Variants in COL17A1 observed in about 807,000 individuals in gnomAD.
The protein encoded by COL17A1 is collagen type XVII alpha 1 chain.
Under a neutral mutation model 218.4 loss-of-function variants are expected in COL17A1, and 181 were observed. That is an observed-to-expected ratio of 0.83 (90% CI 0.73 to 0.94). The LOEUF (loss-of-function observed/expected upper bound fraction) is 0.94. Among genes scored for constraint, COL17A1 ranks in the 40% least tolerant of loss-of-function variants. The probability of loss-of-function intolerance (pLI) is 0.00; values close to 1 mark genes in which losing one functional copy is unlikely to be tolerated. For synonymous variants in COL17A1, 721 were observed against 731.0 expected, an observed-to-expected ratio of 0.99 and a Z score of 0.22; for missense variants, 1,924 against 1,945.9, an observed-to-expected ratio of 0.99 and a Z score of 0.21.
chr10:104,078,939 C>T (rs2086735597), intron 2 of COL17A1, among the ~76,000 whole-genome samples: 1 of 152,234 alleles, frequency 6.6e-6, no homozygotes, highest in African/African-American at 2.4e-5. Context: ...TGTCTCAAGT[C>T]ACTCCGTTTC....
rs547013101 is a variant in COL17A1, at chr10:104,048,176, A to T, written c.2228-72T>A. ...CTGCGATTCCTCCCTCTACTGTCCC[A>T]GTGGCCTTGAAGCACATTGTGTCCC... is the stretch of plus-strand genomic sequence containing the variant. On this transcript the variant is annotated intron_variant, in intron 29 of 55. Coordinates refer to ENST00000648076, the MANE Select transcript of COL17A1 (RefSeq NM_000494.4). The T allele has an allele frequency of 1.1e-5, 17 of 1,549,458 alleles. No homozygotes were observed. The Admixed American group carries it at 2.0e-4, about 18-fold the overall frequency.
intron 26 of COL17A1, 92 bp downstream of exon 26, chr10:104,050,753 ACTT>A (rs1408414234): frequency 1.1e-5 from 18 of 1,613,738 alleles, no homozygotes; most frequent in South Asian, 3.3e-5. Context: ...CTCAATCCTG[ACTT>A]CTTCTTCCCC....
At chr10:104,051,379 T>C in intron 25 of COL17A1, 102 bp downstream of exon 25, 2 of 1,458,448 alleles carry the variant, frequency 1.4e-6, no homozygotes. Flanking sequence ...GGAGGCTTGC[T>C]TTATAATTGC....
At chr10:104,054,019 C>A (rs373683664) in intron 21 of COL17A1, 37 bp from the exon 22 acceptor site, 2 of 1,612,620 alleles carry the variant, frequency 1.2e-6, no homozygotes, top group Non-Finnish European at 1.7e-6. Context: ...CCCTGTTTTC[C>A]TCCCAGAAGC....
chr10:104,069,837 A>G (rs1344296274), intron 9 of COL17A1, among the ~76,000 whole-genome samples: 4 of 152,210 alleles, frequency 2.6e-5, no homozygotes, highest in Non-Finnish European at 4.4e-5. Context: ...GTCCCTATCA[A>G]GTGGTCCTAA....
intron 1 of COL17A1, among the ~76,000 whole-genome samples, chr10:104,081,761 G>A (rs906486137): frequency 3.3e-5 from 5 of 152,130 alleles, no homozygotes; most frequent in Admixed American, 3.3e-4. Context: ...GTGCCTTCAG[G>A]CTCGACTTAC....
chr10:104,050,483 C>T, intron 27 of COL17A1, 138 bp downstream of exon 27: 1 of 1,425,694 alleles, frequency 7.0e-7, no homozygotes, highest in Admixed American at 1.8e-5. Context: ...GCCTCAGTTT[C>T]CCTATCTGAG....
chr10:104,074,634 G>A (rs762369273), intron 5 of COL17A1, among the ~76,000 whole-genome samples: 3 of 152,138 alleles, frequency 2.0e-5, no homozygotes, highest in Non-Finnish European at 2.9e-5. Context: ...TGTCCCAAAC[G>A]TGGACCCAGT....
intron 52 of COL17A1, among the ~76,000 whole-genome samples, 158 bp downstream of exon 52, chr10:104,033,787 A>G (rs373784933): frequency 2.8e-4 from 43 of 152,226 alleles, no homozygotes; most frequent in African/African-American, 9.9e-4. Context: ...CCTTAAGCTG[A>G]GTAGGCTGAG....
rs550855034 is a variant in COL17A1 at position 104,067,394 on chromosome 10, C to A, written c.608-2798G>T. On this transcript the variant is annotated intron_variant, in intron 9 of 55. Coordinates refer to ENST00000648076, the MANE Select transcript of COL17A1 (RefSeq NM_000494.4). ...ATCCAGAGGACCTAGTAGGGCAAGG[C>A]CTTTTAAAGGTTAATTTTATGACTA... is the stretch of plus-strand genomic sequence containing the variant. 2.0e-5 allele frequency among the ~76,000 whole-genome samples: 3 copies of A among 149,216 alleles called. No individual in the cohort carries two copies. The East Asian group carries it at 5.9e-4, about 29-fold the overall frequency.
chr10:104,040,921 A>G (rs1478133037), intron 39 of COL17A1, 144 bp downstream of exon 39: 2 of 944,092 alleles, frequency 2.1e-6, no homozygotes. Flanking sequence ...TGCAGCAAGC[A>G]GGAAGATTAT....
chr10:104,073,138 G>T, intron 7 of COL17A1, 72 bp downstream of exon 7: 1 of 1,390,546 alleles, frequency 7.2e-7, no homozygotes. Context: ...CCTGGCTCAA[G>T]GCTGGACACA....
At chr10:104,050,814 C>G in intron 26 of COL17A1, 34 bp downstream of exon 26, 1 of 1,614,130 alleles carries the variant, frequency 6.2e-7, no homozygotes, top group Non-Finnish European at 8.5e-7. Context: ...TCCATCAGAC[C>G]CTCACTGTCC....
chr10:104,033,478 A>AC, intron 52 of COL17A1, 103 bp from the exon 53 acceptor site: 1 of 1,394,184 alleles, frequency 7.2e-7, no homozygotes, highest in Non-Finnish European at 9.9e-7. Context: ...AAGCAGTTGA[A>AC]CTAGATCAAG....
intron 23 of COL17A1, among the ~76,000 whole-genome samples, chr10:104,052,506 G>C (rs2086479431): frequency 6.6e-6 from 1 of 152,182 alleles, no homozygotes; most frequent in Non-Finnish European, 1.5e-5. Context: ...CTCACAGTCT[G>C]TTAGCATTAA....
In COL17A1 at chr10:104,058,568, G is replaced by T. The variant is rs1015253437; in HGVS notation, c.1223-378C>A. On this transcript the variant is annotated intron_variant, in intron 15 of 55. Coordinates refer to ENST00000648076, the MANE Select transcript of COL17A1 (RefSeq NM_000494.4). ...TCTGAACACAAGTTCCTGACCTGGGGTGGAAGGAATTGGGAATGAGAAGGA... is the reference window on the plus strand; with the variant it reads ...TCTGAACACAAGTTCCTGACCTGGGTTGGAAGGAATTGGGAATGAGAAGGA... Among the ~76,000 whole-genome samples the T allele has an allele frequency of 2.0e-5, 3 of 152,190 alleles. No individual in the cohort carries two copies. In the South Asian group the frequency reaches 6.2e-4, roughly 32 times the overall value.
chr10:104,048,020 CAG>C, intron 30 of COL17A1, 47 bp downstream of exon 30: 2 of 1,611,176 alleles, frequency 1.2e-6, no homozygotes, highest in African/African-American at 2.7e-5. Flanking sequence ...CATGCTGGAA[CAG>C]GGGCTGTGAC....
chr10:104,053,129 G>C lies in COL17A1; in HGVS notation c.1841C>G (p.Pro614Arg), dbSNP rs1185552867. ...CTGGCCCATGGGGCCTTCCATGCCAGGATCTCCTAAAGACAGGGATGGCCA... is the reference window on the plus strand; with the variant it reads ...CTGGCCCATGGGGCCTTCCATGCCACGATCTCCTAAAGACAGGGATGGCCA... The part of the protein sequence containing the change: ...PKGQKGSVGD[P>R]GMEGPMGQRG... Residue 614 changes from proline (P) to arginine (R), a missense_variant, in exon 23 of 56, where the codon CCT becomes CGT. Coordinates refer to ENST00000648076, the MANE Select transcript of COL17A1 (RefSeq NM_000494.4). 6.2e-7 allele frequency: 1 copy of C among 1,613,024 alleles called. No individual in the cohort carries two copies. Among genetic ancestry groups the C allele is most frequent in the African/African-American group, 1.3e-5 (1 of 75,042 alleles).
At chr10:104,065,411 T>G (rs2086618597) in intron 9 of COL17A1, among the ~76,000 whole-genome samples, 1 of 152,214 alleles carries the variant, frequency 6.6e-6, no homozygotes, top group Non-Finnish European at 1.5e-5. Context: ...AGAACCTATC[T>G]TGCACTTGGG....
Sources: allele counts gnomAD v4.1 joint callset (sites outside exome capture counted in the v4.1 genomes callset), GRCh38; gene constraint gnomAD v4.1.1; transcripts MANE v1.5; gene names NCBI Gene and HGNC (gene_info 2026-07-23, HGNC 2026-07-21).